RASA3: variants seen among roughly 807,000 people sequenced by gnomAD.
RASA3 encodes the protein RAS p21 protein activator 3.
Under a neutral mutation model 110.0 loss-of-function variants are expected in RASA3, and 73 were observed. The observed-to-expected ratio is 0.66, with a 90% CI of 0.55 to 0.81. The LOEUF is 0.81. Among genes scored for constraint, RASA3 ranks in the 30% least tolerant of loss-of-function variants. The probability of loss-of-function intolerance (pLI) is 0.00; values close to 1 mark genes in which losing one functional copy is unlikely to be tolerated. For synonymous variants in RASA3, 500 were observed against 451.4 expected (o/e 1.11, Z -1.37); for missense variants, 976 against 1,113.2 (o/e 0.88, Z 1.75).
At chr13:114,016,312 G>T in intron 12 of RASA3, 41 bp from the exon 13 acceptor site, 2 of 1,443,480 alleles carry the variant, frequency 1.4e-6, no homozygotes, top group Non-Finnish European at 2.0e-6. Flanking sequence ...AGTGGGTTCT[G>T]GGGGCACAGG....
rs564653098 is a variant in RASA3, at chr13:114,112,378, G to A, written c.55+20057C>T. ...GAGAAAGTCAGGGCCCTCCCCGAAG[G>A]AGCAGAAGCTCTGCGGGTGACTGTT... On this transcript the variant is annotated intron_variant, in intron 1 of 23. Coordinates refer to ENST00000334062, the MANE Select transcript of RASA3 (RefSeq NM_007368.4). The surrounding 1 kb of genome is among the most constrained non-coding windows in gnomAD (Gnocchi z 4.8). 7.2e-5 allele frequency among the ~76,000 whole-genome samples: 11 copies of A among 152,318 alleles called. No homozygotes were observed. In the South Asian group the frequency reaches 2.3e-3, roughly 32 times the overall value.
At chr13:114,039,399 C>T (rs1324882313) in intron 4 of RASA3, among the ~76,000 whole-genome samples, 2 of 151,856 alleles carry the variant, frequency 1.3e-5, no homozygotes, top group African/African-American at 2.4e-5. Context: ...AGCCCTCCCG[C>T]GTCCCAAGGG....
At position 114,029,621 on chromosome 13, in the gene RASA3, C is replaced by T. The variant is rs562210686; in HGVS notation, c.449+190G>A. On this transcript the variant is annotated intron_variant, in intron 5 of 23. Transcript: ENST00000334062. ...CTGGGGGCCAGGACCTCTAAAATGGCGTCATCCTGGTGGGCCAGGACCCCT... is the reference window on the plus strand; with the variant it reads ...CTGGGGGCCAGGACCTCTAAAATGGTGTCATCCTGGTGGGCCAGGACCCCT... Among the ~76,000 whole-genome samples, 226 of 62,712 alleles carry T rather than the reference C, an allele frequency of 3.6e-3. 57 individuals carry two copies. In the East Asian group the frequency reaches 0.038, roughly 11 times the overall value. The allele number at this position is 62,712 out of a possible 152,430, so 41.1% of individuals were successfully genotyped here.
chr13:114,126,510 T>G (rs2080451520), intron 1 of RASA3, among the ~76,000 whole-genome samples: 1 of 151,404 alleles, frequency 6.6e-6, no homozygotes, highest in African/African-American at 2.5e-5. Context: ...ACCTCTCTCT[T>G]CAGGAGCAAG....
chr13:114,063,060 A>T (rs1391694637), intron 2 of RASA3, among the ~76,000 whole-genome samples: 1 of 152,206 alleles, frequency 6.6e-6, no homozygotes, highest in Non-Finnish European at 1.5e-5. Flanking sequence ...GGAGATGAAA[A>T]TGTTCTAAAA....
rs2053260258 is a variant in RASA3, at chr13:113,996,548, G to A, written c.2124C>T (p.Gly708=). Residue 708 remains glycine, a synonymous_variant, in exon 21 of 24, where the codon GGC becomes GGT. Coordinates refer to ENST00000334062, the MANE Select transcript of RASA3 (RefSeq NM_007368.4). ...AGACCTACCCAGTGCAGGGCGAGCA[G>A]CCCGGAGCCGAGTCGGATGGCGCCC... ...CCRAPSDSAP[G]CSPCTGGLPA... 2 of 1,612,588 alleles carry A rather than the reference G, an allele frequency of 1.2e-6. No homozygotes were observed. The highest frequency in any genetic ancestry group is 1.7e-6 in the Non-Finnish European group (2 of 1,179,978).
intron 12 of RASA3, among the ~76,000 whole-genome samples, chr13:114,016,545 G>A (rs1459627153): frequency 1.3e-5 from 2 of 152,182 alleles, no homozygotes; most frequent in African/African-American, 2.4e-5. Context: ...GAGGTCAGGC[G>A]CAAACACTAG....
chr13:113,994,912 T>A (rs2053197473), intron 21 of RASA3, among the ~76,000 whole-genome samples: 3 of 152,202 alleles, frequency 2.0e-5, no homozygotes, highest in Admixed American at 2.0e-4. Context: ...AGGTCGAGGC[T>A]GCAGTGAGCT....
At chr13:114,117,690 ATGTG>A (rs1014560936) in intron 1 of RASA3, among the ~76,000 whole-genome samples, 1 of 126,398 alleles carries the variant, frequency 7.9e-6, no homozygotes, top group Admixed American at 8.4e-5. Context: ...TGAGGGGTGC[ATGTG>A]TGTGAGGGGT....
chr13:114,020,861 G>T (rs1421394789), intron 9 of RASA3, among the ~76,000 whole-genome samples: 2 of 152,192 alleles, frequency 1.3e-5, no homozygotes, highest in Non-Finnish European at 2.9e-5. Context: ...AACAAGACCC[G>T]GAGCGCAGCC....
At chr13:114,077,890 T>TG in intron 1 of RASA3, 3 of 982,086 alleles carry the variant, frequency 3.1e-6, no homozygotes, top group Non-Finnish European at 3.6e-6. Flanking sequence ...AAAAAAAAAG[T>TG]GGGGGGACAA....
chr13:113,992,056 TCA>T (rs770926021), intron 22 of RASA3, among the ~76,000 whole-genome samples: 14 of 151,830 alleles, frequency 9.2e-5, no homozygotes, highest in East Asian at 1.9e-4. Flanking sequence ...GTCCACACAT[TCA>T]CACACGCTCA....
chr13:114,071,350 C>T (rs1048217241), intron 2 of RASA3, among the ~76,000 whole-genome samples: 1 of 152,200 alleles, frequency 6.6e-6, no homozygotes, highest in Admixed American at 6.5e-5. Flanking sequence ...CATTTCTCAA[C>T]CTCACCTGAA....
At chr13:114,000,228 T>G (rs1302668453) in intron 19 of RASA3, among the ~76,000 whole-genome samples, 1 of 151,556 alleles carries the variant, frequency 6.6e-6, no homozygotes, top group Non-Finnish European at 1.5e-5. Context: ...GTGCCCCATG[T>G]TCATCTCCTT....
chr13:113,992,553 C>A lies in RASA3; in HGVS notation c.2177G>T (p.Gly726Val). Reference protein sequence around the residue: ...LPANIQLDIDGDRETERIYSL... With the variant: ...LPANIQLDIDVDRETERIYSL... ...GTAGATACGCTCCGTCTCACGGTCC[C>A]CATCAATGTCCAGCTGGATGTTGGC... is the stretch of plus-strand genomic sequence containing the variant. Residue 726 changes from glycine (G) to valine (V), a missense_variant, in exon 22 of 24, where the codon GGG (glycine) becomes GTG (valine). Physicochemically the swap from Gly to Val is moderately radical, Grantham distance 109. Around this residue, in one of 4 missense-constraint regions of RASA3, gnomAD observed 132 missense variants for 152.8 expected, o/e 0.86. Transcript: ENST00000334062. 1.2e-6 allele frequency: 2 copies of A among 1,613,568 alleles called. No homozygotes were observed. The highest frequency in any genetic ancestry group is 1.1e-5 in the South Asian group (1 of 91,074).
intron 9 of RASA3, among the ~76,000 whole-genome samples, chr13:114,020,668 C>G (rs574915394): frequency 2.0e-5 from 3 of 152,300 alleles, no homozygotes; most frequent in Admixed American, 6.5e-5. Context: ...AAACAATGGC[C>G]TGTTCCTTCC....
intron 1 of RASA3, among the ~76,000 whole-genome samples, chr13:114,098,553 G>A (rs1459342466): frequency 1.3e-5 from 2 of 152,136 alleles, no homozygotes; most frequent in Admixed American, 6.5e-5. Context: ...CTGGGGTCAG[G>A]ACGTTAAGGG....
At chr13:114,004,601 C>T (rs548955706) in intron 18 of RASA3, among the ~76,000 whole-genome samples, 9 of 152,268 alleles carry the variant, frequency 5.9e-5, no homozygotes, top group South Asian at 2.1e-4. Context: ...CAGCTCACGC[C>T]GGGCAGAATG....
At chr13:114,060,646 C>T (rs1175591780) in intron 2 of RASA3, among the ~76,000 whole-genome samples, 3 of 152,228 alleles carry the variant, frequency 2.0e-5, no homozygotes, top group African/African-American at 4.8e-5. Flanking sequence ...CGCCCCGTTC[C>T]GCTCTGCTTC....
Sources: allele counts gnomAD v4.1 joint callset (sites outside exome capture counted in the v4.1 genomes callset), GRCh38; gene constraint gnomAD v4.1.1; regional missense constraint gnomAD v4.1.1; non-coding constraint Gnocchi (gnomAD v3.1); transcripts MANE v1.5; gene names NCBI Gene and HGNC (gene_info 2026-07-23, HGNC 2026-07-21).